Variants in GABRA4 observed in about 807,000 individuals in gnomAD.
The protein encoded by GABRA4 is gamma-aminobutyric acid receptor subunit alpha-4.
A neutral mutation model predicts 49.7 loss-of-function variants in GABRA4; 12 were observed. The ratio of observed to expected loss-of-function variants is 0.24; its 90% CI spans 0.15 to 0.39. The LOEUF is 0.39. Among genes scored for constraint, GABRA4 ranks in the 10% least tolerant of loss-of-function variants. The pLI, the probability that GABRA4 is intolerant of heterozygous loss-of-function variation, is 1.00. For missense variants in GABRA4, 506 were observed against 686.0 expected, an observed-to-expected ratio of 0.74 and a Z score of 2.93; for synonymous variants, 288 against 240.2, an observed-to-expected ratio of 1.20 and a Z score of -1.84.
intron 2 of GABRA4, among the ~76,000 whole-genome samples, chr4:46,979,509 C>T (rs933174901): frequency 2.0e-4 from 30 of 152,078 alleles, no homozygotes; most frequent in African/African-American, 7.2e-4. Flanking sequence ...AAAACCATAA[C>T]AGCTGTAAGG....
chr4:46,934,258 A>T (rs978490956), intron 8 of GABRA4, among the ~76,000 whole-genome samples: 1 of 152,214 alleles, frequency 6.6e-6, no homozygotes, highest in Non-Finnish European at 1.5e-5. Flanking sequence ...ACATTTATTC[A>T]AGATCATTTG....
chr4:46,990,793 A>C (rs943503340), intron 2 of GABRA4, among the ~76,000 whole-genome samples: 17 of 152,246 alleles, frequency 1.1e-4, no homozygotes, highest in Non-Finnish European at 5.9e-5. Flanking sequence ...GATTTGCATG[A>C]AGGCAAATGC....
At position 46,992,815 on chromosome 4, in the gene GABRA4, A is replaced by C. The variant is rs770614036; in HGVS notation, c.205+13T>G. 6.3e-7 allele frequency: 1 copy of C among 1,595,816 alleles called. No homozygotes were observed. The highest frequency in any genetic ancestry group is 8.6e-7 in the Non-Finnish European group (1 of 1,163,412). ...CAGACAGGACACACTTGCGCGTTTG[A>C]AATCGTTCATACCCCCAAATCCAGG... On this transcript the variant is annotated intron_variant, in intron 2 of 8. Transcript: ENST00000264318.
At chr4:46,955,300 T>C (rs935382732) in intron 8 of GABRA4, among the ~76,000 whole-genome samples, 2 of 152,130 alleles carry the variant, frequency 1.3e-5, no homozygotes, top group Non-Finnish European at 2.9e-5. Context: ...ACTAAACTTA[T>C]GGCATTTCCT....
At position 46,925,714 on chromosome 4, in the gene GABRA4, ATATTATTATTATTATTATTATTAT is replaced by A. The variant is rs397993248; in HGVS notation, c.*2487_*2510del. On this transcript the variant is annotated 3_prime_UTR_variant, in exon 9 of 9. Coordinates refer to ENST00000264318, the MANE Select transcript of GABRA4 (RefSeq NM_000809.4). The stretch of plus-strand genomic sequence containing the variant: ...AATTCAGTTAAGGAAAGCAAACAAC[ATATTATTATTATTATTATTATTAT>A]TATTATTATTATTATTATTATCATC... 2.2e-5 allele frequency: 3 copies of A among 139,376 alleles called. No homozygotes were observed. Among genetic ancestry groups the A allele is most frequent in the Non-Finnish European group, 4.7e-5 (3 of 64,414 alleles). The allele number at this position is 139,376 out of a possible 1,614,324, so 8.6% of individuals were successfully genotyped here. A position where few individuals can be genotyped will look rare whatever the true frequency, so the allele number is the denominator to read the frequency against.
intron 8 of GABRA4, among the ~76,000 whole-genome samples, chr4:46,934,071 G>T (rs1264431328): frequency 6.6e-6 from 1 of 152,078 alleles, no homozygotes; most frequent in Non-Finnish European, 1.5e-5. Flanking sequence ...ACTAAGATTA[G>T]GTCTGCAGAA....
chr4:46,930,104 C>G (rs933888279), intron 8 of GABRA4, among the ~76,000 whole-genome samples: 2 of 152,064 alleles, frequency 1.3e-5, no homozygotes. Context: ...AAAACAGCCT[C>G]ACAAAACAGA....
At chr4:46,960,321 C>T (rs1037178472) in intron 8 of GABRA4, among the ~76,000 whole-genome samples, 1 of 151,444 alleles carries the variant, frequency 6.6e-6, no homozygotes, top group Non-Finnish European at 1.5e-5. Context: ...TTAACATGAT[C>T]TCATAAAATC....
chr4:46,921,199 A>G lies in GABRA4; in HGVS notation c.*7026T>C, dbSNP rs1381303309. 6.6e-6 allele frequency: 1 copy of G among 151,862 alleles called. No homozygotes were observed. The highest frequency in any genetic ancestry group is 2.4e-5 in the African/African-American group (1 of 41,516). 9.4% of individuals were successfully genotyped at this position (151,862 alleles called of 1,614,324 possible). A position where few individuals can be genotyped will look rare whatever the true frequency, so the allele number is the denominator to read the frequency against. On this transcript the variant is annotated 3_prime_UTR_variant, in exon 9 of 9. Transcript: ENST00000264318. Reference sequence around the variant, plus strand: ...TATTAAGAAACCATAGCATTTAAAAATTTTCCATTAAATGTATCGTTATCC... The same window carrying G: ...TATTAAGAAACCATAGCATTTAAAAGTTTTCCATTAAATGTATCGTTATCC...
At position 46,993,448 on chromosome 4, in the gene GABRA4, G is replaced by A. The variant is rs1214433870; in HGVS notation, c.-24C>T. On this transcript the variant is annotated 5_prime_UTR_variant, in exon 1 of 9. Coordinates refer to ENST00000264318, the MANE Select transcript of GABRA4 (RefSeq NM_000809.4). ...ATCTTTGCAACATGCCATACTTCAA[G>A]CCTGTTCACGTTTCCAGGCTCTTCA... 6.2e-7 allele frequency: 1 copy of A among 1,612,116 alleles called. No individual in the cohort carries two copies. The highest frequency in any genetic ancestry group is 8.5e-7 in the Non-Finnish European group (1 of 1,178,144).
intron 8 of GABRA4, 65 bp downstream of exon 8, chr4:46,964,905 C>G (rs1722698111): frequency 6.8e-7 from 1 of 1,476,506 alleles, no homozygotes; most frequent in African/African-American, 1.4e-5. Context: ...CAGTTTGTTT[C>G]CCTGACAAAA....
Position 46,960,951 on chromosome 4 carries a change from A to G in GABRA4, c.1134+4019T>C, listed in dbSNP as rs540493696. The stretch of plus-strand genomic sequence containing the variant: ...GTTTTTGAAAGTTTCCATGACAAGA[A>G]TCTTCTATCATGGCTTCAATACAAC... On this transcript the variant is annotated intron_variant, in intron 8 of 8. Transcript: ENST00000264318. 2.0e-5 allele frequency among the ~76,000 whole-genome samples: 3 copies of G among 151,940 alleles called. No individual in the cohort carries two copies. In the East Asian group the frequency reaches 5.8e-4, roughly 30 times the overall value.
At chr4:46,984,887 T>C (rs1264193380) in intron 2 of GABRA4, among the ~76,000 whole-genome samples, 1 of 152,036 alleles carries the variant, frequency 6.6e-6, no homozygotes, top group African/African-American at 2.4e-5. Context: ...GGCATTATCT[T>C]GTCAACTCCC....
At chr4:46,980,163 T>C (rs1307365947) in intron 2 of GABRA4, among the ~76,000 whole-genome samples, 1 of 152,112 alleles carries the variant, frequency 6.6e-6, no homozygotes, top group Non-Finnish European at 1.5e-5. Context: ...ATGTGCTCAA[T>C]AATGACAGTA....
At chr4:46,944,558 G>T (rs1269385582) in intron 8 of GABRA4, among the ~76,000 whole-genome samples, 5 of 152,028 alleles carry the variant, frequency 3.3e-5, no homozygotes, top group Non-Finnish European at 1.5e-5. Context: ...AAAACACCTG[G>T]ACTCTAGCCA....
At chr4:46,966,663 C>A (rs1722763112) in intron 7 of GABRA4, among the ~76,000 whole-genome samples, 1 of 151,678 alleles carries the variant, frequency 6.6e-6, no homozygotes, top group Admixed American at 6.6e-5. Flanking sequence ...CAGTTCCTCA[C>A]CAATCCATTT....
At position 46,928,685 on chromosome 4, in the gene GABRA4, T is replaced by C; in HGVS notation, c.1205A>G (p.Asn402Ser). Residue 402 changes from asparagine (N) to serine (S), a missense_variant, in exon 9 of 9, where the codon AAC becomes AGC. Asn to Ser is a conservative substitution (Grantham distance 46). Transcript: ENST00000264318. ...TGAATGGTTTCCCACCTCAGTTCTGTTGCCAACATCAGATTCAGAGTGAAC... is the reference window on the plus strand; with the variant it reads ...TGAATGGTTTCCCACCTCAGTTCTGCTGCCAACATCAGATTCAGAGTGAAC... ...ALVHSESDVG[N>S]RTEVGNHSSK... 2 of 1,613,278 alleles carry C rather than the reference T, an allele frequency of 1.2e-6. No homozygotes were observed. Among genetic ancestry groups the C allele is most frequent in the Non-Finnish European group, 1.7e-6 (2 of 1,179,428 alleles).
At chr4:46,954,503 G>A (rs1560470590) in intron 8 of GABRA4, among the ~76,000 whole-genome samples, 1 of 149,010 alleles carries the variant, frequency 6.7e-6, no homozygotes, top group Admixed American at 6.8e-5. Flanking sequence ...GTTGCAATGA[G>A]CCAAAATCGT....
At chr4:46,949,302 A>C (rs571005209) in intron 8 of GABRA4, among the ~76,000 whole-genome samples, 2 of 152,284 alleles carry the variant, frequency 1.3e-5, no homozygotes, top group Admixed American at 6.5e-5. Flanking sequence ...TTACAGTCAC[A>C]TATATCTAGA....
Sources: gnomAD v4.1 joint callset for allele counts (sites outside exome capture counted in the v4.1 genomes callset) on GRCh38, gnomAD v4.1.1 for gene constraint, MANE v1.5 for transcripts, NCBI Gene and HGNC (gene_info 2026-07-23, HGNC 2026-07-21) for gene names.